Variants in PHF21A observed in about 807,000 individuals in gnomAD.
The protein encoded by PHF21A is PHD finger protein 21A, also known as BHC80a.
Under a neutral mutation model 82.5 loss-of-function variants are expected in PHF21A, and 11 were observed. The ratio of observed to expected loss-of-function variants is 0.13; its 90% CI spans 0.08 to 0.22. The LOEUF (loss-of-function observed/expected upper bound fraction) is 0.22. PHF21A is among the 10% of genes least tolerant of loss of function. The probability of loss-of-function intolerance (pLI) is 1.00; values close to 1 mark genes in which losing one functional copy is unlikely to be tolerated. For missense variants in PHF21A, 579 were observed against 837.8 expected, an observed-to-expected ratio of 0.69 and a Z score of 3.81; for synonymous variants, 297 against 302.8, an observed-to-expected ratio of 0.98 and a Z score of 0.20.
At chr11:45,998,548 T>C (rs1293160975) in intron 6 of PHF21A, among the ~76,000 whole-genome samples, 1 of 152,040 alleles carries the variant, frequency 6.6e-6, no homozygotes, top group East Asian at 1.9e-4. Context: ...GTTTTGCTCT[T>C]GTTGCCCAGG....
intron 6 of PHF21A, among the ~76,000 whole-genome samples, chr11:46,054,558 G>C (rs1405974995): frequency 6.6e-6 from 1 of 152,118 alleles, no homozygotes. Context: ...CATTTTATTA[G>C]GGTACCAGCT....
At chr11:46,082,916 T>C (rs2096810099) in intron 4 of PHF21A, among the ~76,000 whole-genome samples, 1 of 152,112 alleles carries the variant, frequency 6.6e-6, no homozygotes, top group South Asian at 2.1e-4. Flanking sequence ...GAGGAAAAAC[T>C]CCAAAAATCA....
At chr11:46,106,349 A>G (rs965559814) in intron 1 of PHF21A, among the ~76,000 whole-genome samples, 5 of 152,212 alleles carry the variant, frequency 3.3e-5, no homozygotes, top group African/African-American at 1.2e-4. Context: ...ACTCTCTAAC[A>G]GCAATAATTA....
intron 6 of PHF21A, among the ~76,000 whole-genome samples, chr11:46,009,014 G>A (rs1269363039): frequency 3.8e-5 from 5 of 131,356 alleles, no homozygotes; most frequent in African/African-American, 8.9e-5. Flanking sequence ...TCTCACTGTC[G>A]CTCACGCTGG....
At chr11:46,001,239 G>A (rs2095117432) in intron 6 of PHF21A, among the ~76,000 whole-genome samples, 1 of 151,584 alleles carries the variant, frequency 6.6e-6, no homozygotes, top group Non-Finnish European at 1.5e-5. Flanking sequence ...AAGGGAATGT[G>A]GAAACTGAAA....
intron 1 of PHF21A, among the ~76,000 whole-genome samples, chr11:46,109,470 A>AAT (rs1399595367): frequency 3.4e-4 from 51 of 152,186 alleles, no homozygotes; most frequent in African/African-American, 1.2e-3. Flanking sequence ...TCCAAACACA[A>AAT]ATATATATAT....
intron 6 of PHF21A, among the ~76,000 whole-genome samples, chr11:46,066,433 G>T (rs2096595231): frequency 6.6e-6 from 1 of 152,160 alleles, no homozygotes; most frequent in South Asian, 2.1e-4. Flanking sequence ...AGCCATTGTG[G>T]CTTGAACCTA....
chr11:45,986,946 C>T (rs1023582729), intron 6 of PHF21A, among the ~76,000 whole-genome samples: 9 of 151,922 alleles, frequency 5.9e-5, no homozygotes, highest in Non-Finnish European at 1.2e-4. Flanking sequence ...AAAGCGAATG[C>T]TACCTGTTGC....
At chr11:45,942,008 A>G (rs1213111897) in intron 15 of PHF21A, among the ~76,000 whole-genome samples, 1 of 152,216 alleles carries the variant, frequency 6.6e-6, no homozygotes, top group African/African-American at 2.4e-5. Flanking sequence ...CCTGCCTCTC[A>G]AGTGTTATTG....
At chr11:46,093,258 CAT>C (rs910866668) in intron 1 of PHF21A, among the ~76,000 whole-genome samples, 2 of 152,196 alleles carry the variant, frequency 1.3e-5, no homozygotes, top group East Asian at 1.9e-4. Context: ...TCTAAAACTA[CAT>C]GTCTTCCTTT....
chr11:46,067,173 T>C lies in PHF21A; in HGVS notation c.153+9581A>G, dbSNP rs577217878. Among the ~76,000 whole-genome samples, 6 of 152,310 alleles carry C rather than the reference T, an allele frequency of 3.9e-5. No homozygotes were observed. In the South Asian group the frequency reaches 1.2e-3, roughly 32 times the overall value. On this transcript the variant is annotated intron_variant, in intron 6 of 18. Coordinates refer to ENST00000676320, the MANE Select transcript of PHF21A (RefSeq NM_001352027.3). ...TTCTTTTGTGGGGATTTCTGTACTA[T>C]GTTGTCCTGTAAGGGGGTCTGCCGG...
chr11:46,041,561 T>C (rs1001507937), intron 6 of PHF21A, among the ~76,000 whole-genome samples: 2 of 152,196 alleles, frequency 1.3e-5, no homozygotes, highest in African/African-American at 2.4e-5. Flanking sequence ...TGGGGTAGTG[T>C]GATTTATTAA....
At chr11:45,947,608 C>G (rs1318540233) in intron 14 of PHF21A, among the ~76,000 whole-genome samples, 1 of 152,096 alleles carries the variant, frequency 6.6e-6, no homozygotes, top group African/African-American at 2.4e-5. Context: ...ACTGTGGATG[C>G]AAGCTTTTAT....
chr11:46,082,661 A>G (rs923934589), intron 4 of PHF21A, among the ~76,000 whole-genome samples: 1 of 152,184 alleles, frequency 6.6e-6, no homozygotes, highest in Non-Finnish European at 1.5e-5. Context: ...TTGAGTCAAC[A>G]AATGTAAATT....
chr11:46,012,408 A>G (rs1254685510), intron 6 of PHF21A, among the ~76,000 whole-genome samples: 3 of 152,080 alleles, frequency 2.0e-5, no homozygotes, highest in South Asian at 2.1e-4. Context: ...TTTCCTCCCT[A>G]TAGTCATTCC....
At chr11:46,105,780 A>C (rs1475768534) in intron 1 of PHF21A, among the ~76,000 whole-genome samples, 1 of 152,216 alleles carries the variant, frequency 6.6e-6, no homozygotes, top group Non-Finnish European at 1.5e-5. Context: ...GAAAGACTCA[A>C]TTCTTAGACT....
chr11:46,030,881 A>G (rs1434521107), intron 6 of PHF21A, among the ~76,000 whole-genome samples: 2 of 146,646 alleles, frequency 1.4e-5, no homozygotes, highest in Non-Finnish European at 3.0e-5. Context: ...TTCCAGTAGC[A>G]ATTTCTACTT....
chr11:45,978,346 GTAA>G (rs3061877), intron 7 of PHF21A, among the ~76,000 whole-genome samples: 75,220 of 151,632 alleles, frequency 0.5, 22,031 homozygotes, highest in Non-Finnish European at 0.66. Context: ...AACAGAGATG[GTAA>G]TAATAATAAC....
At chr11:46,073,090 A>G (rs532360231) in intron 6 of PHF21A, among the ~76,000 whole-genome samples, 1 of 152,282 alleles carries the variant, frequency 6.6e-6, no homozygotes, top group South Asian at 2.1e-4. Context: ...GCACTTTGGG[A>G]GGCCGAGGTG....
Sources: gnomAD v4.1 joint callset for allele counts (sites outside exome capture counted in the v4.1 genomes callset) on GRCh38, gnomAD v4.1.1 for gene constraint, MANE v1.5 for transcripts, NCBI Gene and HGNC (gene_info 2026-07-23, HGNC 2026-07-21) for gene names.